The following RECK variants were observed in gnomAD, a reference collection of about 807,000 sequenced individuals.
RECK encodes reversion inducing cysteine rich protein with kazal motifs.
In RECK, 69 loss-of-function variants were observed where a neutral mutation model predicts 115.1. That is an observed-to-expected ratio of 0.60 (90% CI 0.49 to 0.73). The LOEUF (loss-of-function observed/expected upper bound fraction) is 0.73. Ranked by LOEUF, RECK falls within the 30% of genes least tolerant of loss-of-function variation. The probability of loss-of-function intolerance (pLI) is 0.00; values close to 1 mark genes in which losing one functional copy is unlikely to be tolerated. For missense variants in RECK, 1,047 were observed against 1,203.7 expected, an observed-to-expected ratio of 0.87 and a Z score of 1.93; for synonymous variants, 414 against 419.7, an observed-to-expected ratio of 0.99 and a Z score of 0.17.
At chr9:36,082,993 A>C (rs1471688338) in intron 7 of RECK, among the ~76,000 whole-genome samples, 1 of 152,106 alleles carries the variant, frequency 6.6e-6, no homozygotes, top group Non-Finnish European at 1.5e-5. Flanking sequence ...CAACATGGGC[A>C]CTCTTGGCAT....
At chr9:36,089,415 AT>A (rs767334087) in intron 9 of RECK, among the ~76,000 whole-genome samples, 9 of 152,208 alleles carry the variant, frequency 5.9e-5, no homozygotes, top group Non-Finnish European at 1.2e-4. Flanking sequence ...AATTGGAGAA[AT>A]TTATGTAATT....
rs1821961331 is a variant in RECK, at chr9:36,065,578, C to G, written c.359C>G (p.Ala120Gly). ...ATGGAGAAATTTGTTGGTTTTTAGG[C>G]ATCTTCAAAGAATGATATTTCCAAA... The part of the protein sequence containing the change: ...ALECRQACKQ[A>G]SSKNDISKVC... The change falls in exon 6 of 21, where the codon GCA (alanine) becomes GGA (glycine). Residue 120 changes from alanine (A) to glycine (G), a missense_variant and splice_region_variant. Transcript: ENST00000377966. The G allele has an allele frequency of 6.3e-7, 1 of 1,582,100 alleles. No individual in the cohort carries two copies. Among genetic ancestry groups the G allele is most frequent in the East Asian group, 2.3e-5 (1 of 43,234 alleles).
chr9:36,056,653 C>T lies in RECK; in HGVS notation c.160-2174C>T, dbSNP rs147326736. On this transcript the variant is annotated intron_variant, in intron 2 of 20. Coordinates refer to ENST00000377966, the MANE Select transcript of RECK (RefSeq NM_021111.3). Reference sequence around the variant, plus strand: ...CCACTAGCCACATGTGCCAGGTGAACACTTGAAATGTGCTTAAAGAGACTG... The same window carrying T: ...CCACTAGCCACATGTGCCAGGTGAATACTTGAAATGTGCTTAAAGAGACTG... 6.5e-3 allele frequency among the ~76,000 whole-genome samples: 992 copies of T among 152,306 alleles called. 6 individuals carry two copies. The highest frequency in any genetic ancestry group is 0.011 in the South Asian group (52 of 4,826).
Position 36,049,618 on chromosome 9 carries a change from G to GT in RECK, c.101-2646dup, listed in dbSNP as rs1821207044. Among the ~76,000 whole-genome samples the GT allele has an allele frequency of 2.0e-5, 3 of 152,346 alleles. No homozygotes were observed. In the South Asian group the frequency reaches 6.2e-4, roughly 32 times the overall value. Reference sequence around the variant, plus strand: ...GCCACCGTTTGGGCAAGCTTGATAGGTGAGACCATGGGTCACCTTGTTAGC... The same window carrying GT: ...GCCACCGTTTGGGCAAGCTTGATAGGTTGAGACCATGGGTCACCTTGTTAGC... On this transcript the variant is annotated intron_variant, in intron 1 of 20. Coordinates refer to ENST00000377966, the MANE Select transcript of RECK (RefSeq NM_021111.3).
intron 2 of RECK, among the ~76,000 whole-genome samples, chr9:36,055,721 G>A (rs1821496959): frequency 6.6e-6 from 1 of 152,152 alleles, no homozygotes; most frequent in Non-Finnish European, 1.5e-5. Context: ...AGTTTGCCCA[G>A]TGGTATTCAG....
intron 2 of RECK, among the ~76,000 whole-genome samples, chr9:36,053,116 T>C (rs1821373695): frequency 6.6e-6 from 1 of 152,202 alleles, no homozygotes; most frequent in Non-Finnish European, 1.5e-5. Context: ...AAAGCAAATG[T>C]TGCAAAGTGT....
In RECK at chr9:36,060,066, A is replaced by G. The variant is rs777194415; in HGVS notation, c.235-53A>G. The G allele has an allele frequency of 4.6e-6, 7 of 1,518,416 alleles. No individual in the cohort carries two copies. In the South Asian group the frequency reaches 6.8e-5, roughly 15 times the overall value. 94.1% of individuals were successfully genotyped at this position (1,518,416 alleles called of 1,614,324 possible). On this transcript the variant is annotated intron_variant, in intron 3 of 20. Coordinates refer to ENST00000377966, the MANE Select transcript of RECK (RefSeq NM_021111.3). ...ATAATTTCTGTAGAAATTAATTGTC[A>G]TATTTAGGAACTGGTTATCTACATA...
chr9:36,044,198 A>G (rs374661241), intron 1 of RECK, among the ~76,000 whole-genome samples: 2 of 151,072 alleles, frequency 1.3e-5, no homozygotes, highest in African/African-American at 4.9e-5. Flanking sequence ...TTGGTTAGGT[A>G]TATTCCTAAG....
chr9:36,081,271 G>A (rs1822677964), intron 7 of RECK, among the ~76,000 whole-genome samples: 1 of 152,206 alleles, frequency 6.6e-6, no homozygotes, highest in African/African-American at 2.4e-5. Flanking sequence ...CAGCAGGAAA[G>A]TATATTGAAG....
intron 8 of RECK, chr9:36,086,174 G>C (rs1424851298): frequency 6.6e-6 from 1 of 152,196 alleles, no homozygotes; most frequent in Non-Finnish European, 1.5e-5. Context: ...ATTAAAGGCA[G>C]AGCCAAACTG....
chr9:36,063,926 G>T, intron 5 of RECK, 46 bp downstream of exon 5: 1 of 1,573,680 alleles, frequency 6.4e-7, no homozygotes, highest in South Asian at 1.1e-5. Flanking sequence ...AGTGCAGTTT[G>T]GTTTTAGCTG....
chr9:36,038,773 G>A (rs1431906588), intron 1 of RECK, among the ~76,000 whole-genome samples: 3 of 151,904 alleles, frequency 2.0e-5, no homozygotes, highest in Admixed American at 6.6e-5. Flanking sequence ...TCACAATAAA[G>A]GGTCCAAGGA....
chr9:36,107,147 CTT>C (rs1421012433), intron 13 of RECK, among the ~76,000 whole-genome samples: 5 of 148,644 alleles, frequency 3.4e-5, no homozygotes, highest in Non-Finnish European at 7.4e-5. Flanking sequence ...TCAGAATCCT[CTT>C]GTTTCATTAA....
intron 6 of RECK, among the ~76,000 whole-genome samples, chr9:36,073,775 T>A (rs1213684874): frequency 6.6e-6 from 1 of 152,180 alleles, no homozygotes; most frequent in Non-Finnish European, 1.5e-5. Flanking sequence ...TTTCCCAGAT[T>A]GACCCTGTTG....
chr9:36,106,240 G>A (rs572031369), intron 13 of RECK, among the ~76,000 whole-genome samples: 4 of 130,464 alleles, frequency 3.1e-5, no homozygotes, highest in South Asian at 2.4e-4. Flanking sequence ...AAAAAAAAAC[G>A]TTTTTTTTTT....
At chr9:36,114,900 T>A (rs1824200394) in intron 16 of RECK, among the ~76,000 whole-genome samples, 1 of 152,094 alleles carries the variant, frequency 6.6e-6, no homozygotes, top group African/African-American at 2.4e-5. Context: ...GTAATAGTGG[T>A]GCCTCTAGGG....
intron 1 of RECK, among the ~76,000 whole-genome samples, chr9:36,048,595 G>T (rs111264281): frequency 0.025 from 3,802 of 152,100 alleles, 169 homozygotes; most frequent in African/African-American, 0.087. Context: ...AGAAAATGAG[G>T]TGCTGTCAAT....
intron 15 of RECK, 117 bp from the exon 16 acceptor site, chr9:36,112,188 C>A (rs1824077698): frequency 1.1e-4 from 62 of 551,176 alleles, no homozygotes; most frequent in Non-Finnish European, 1.5e-4. Context: ...ACTTAATTTA[C>A]AATTCTATTT....
rs1823879069 is a variant in RECK, at chr9:36,107,692, CA to C, written c.1577-281del. ...TTAAAATATTTTTTACTAGCCCCTA[CA>C]AATAAAAAGTTACATATCTTACAGC... On this transcript the variant is annotated intron_variant, in intron 13 of 20. Transcript: ENST00000377966. 4.0e-5 allele frequency among the ~76,000 whole-genome samples: 6 copies of C among 151,684 alleles called. No homozygotes were observed. In the South Asian group the frequency reaches 1.3e-3, roughly 32 times the overall value.
Sources: allele counts gnomAD v4.1 joint callset (sites outside exome capture counted in the v4.1 genomes callset), GRCh38; gene constraint gnomAD v4.1.1; transcripts MANE v1.5; gene names NCBI Gene and HGNC (gene_info 2026-07-23, HGNC 2026-07-21).